The following FIRRM variants were observed in gnomAD, a reference collection of about 807,000 sequenced individuals.
The protein encoded by FIRRM is FIGNL1-interacting regulator of recombination and mitosis.
the FIRRM span, chr1:169,829,153 T>A: frequency 3.1e-6 from 3 of 963,460 alleles, no homozygotes; most frequent in Admixed American, 6.7e-5. Flanking sequence ...TGATTATACC[T>A]CTTGAAACAT....
the FIRRM span, among the ~76,000 whole-genome samples, chr1:169,841,102 T>G: frequency 1.3e-5 from 2 of 152,234 alleles, no homozygotes; most frequent in Non-Finnish European, 2.9e-5. Flanking sequence ...TAGATGGCTC[T>G]TATTATTTCG....
At chr1:169,844,144 A>G in the FIRRM span, among the ~76,000 whole-genome samples, 3 of 152,256 alleles carry the variant, frequency 2.0e-5, no homozygotes, top group Non-Finnish European at 4.4e-5. Flanking sequence ...ACCAGTGTGT[A>G]TTAAAAGATA....
chr1:169,807,735 A>G, the FIRRM span: 7 of 1,468,412 alleles, frequency 4.8e-6, no homozygotes, highest in Admixed American at 5.2e-5. Flanking sequence ...TAGAGGTCCT[A>G]AGTTACTTGA....
the FIRRM span, among the ~76,000 whole-genome samples, chr1:169,846,831 G>C: frequency 6.6e-6 from 1 of 152,178 alleles, no homozygotes; most frequent in East Asian, 1.9e-4. Flanking sequence ...TTTCCTTCAA[G>C]AACTTTTCCT....
the FIRRM span, chr1:169,793,701 T>C: frequency 1.9e-6 from 3 of 1,564,784 alleles, no homozygotes; most frequent in Admixed American, 5.9e-5. Context: ...GTCATCCTCT[T>C]ATTAAATGCA....
chr1:169,853,563 A>T, the FIRRM span: 1 of 762,624 alleles, frequency 1.3e-6, no homozygotes, highest in Non-Finnish European at 2.2e-6. Flanking sequence ...TCAGTCTCCT[A>T]CTTCAGTTGG....
At chr1:169,841,165 G>A in the FIRRM span, among the ~76,000 whole-genome samples, 2 of 152,144 alleles carry the variant, frequency 1.3e-5, no homozygotes, top group African/African-American at 4.8e-5. Flanking sequence ...ATAAAGGGAT[G>A]TTGGATTTTA....
chr1:169,824,494 GCCTTTCTTTA>G, the FIRRM span, among the ~76,000 whole-genome samples: 956 of 152,184 alleles, frequency 6.3e-3, 7 homozygotes, highest in Non-Finnish European at 8.2e-3. Flanking sequence ...TCGTTTCTCT[GCCTTTCTTTA>G]CAGCAAAATT....
the FIRRM span, among the ~76,000 whole-genome samples, chr1:169,819,282 G>A: frequency 4.3e-4 from 65 of 152,332 alleles, no homozygotes; most frequent in African/African-American, 1.5e-3. Flanking sequence ...CTCAATGGGG[G>A]TTGAGGGGAA....
At chr1:169,821,825 A>C in the FIRRM span, 1 of 1,045,954 alleles carries the variant, frequency 9.6e-7, no homozygotes. Flanking sequence ...TATTATCCCT[A>C]TTCCACAGAA....
the FIRRM span, chr1:169,821,635 C>CT: frequency 1.0e-5 from 14 of 1,380,684 alleles, no homozygotes; most frequent in Admixed American, 2.2e-5. Flanking sequence ...ATTTTATATT[C>CT]TTTTCTTATT....
the FIRRM span, among the ~76,000 whole-genome samples, chr1:169,816,668 A>G: frequency 1.3e-5 from 2 of 152,350 alleles, no homozygotes; most frequent in East Asian, 3.9e-4. Flanking sequence ...AGGTCCCAAG[A>G]TAACTTGGGG....
the FIRRM span, chr1:169,832,391 CCTCT>C: frequency 6.6e-7 from 1 of 1,505,912 alleles, no homozygotes; most frequent in South Asian, 1.1e-5. Context: ...GTCAGTCTCT[CCTCT>C]CTCTCTCATG....
chr1:169,852,833 AG>A, the FIRRM span: 2 of 1,614,172 alleles, frequency 1.2e-6, no homozygotes, highest in Non-Finnish European at 8.5e-7. Flanking sequence ...TGGGAAGAAG[AG>A]TACAGGTCAG....
At chr1:169,853,386 C>A in the FIRRM span, 1 of 341,010 alleles carries the variant, frequency 2.9e-6, no homozygotes, top group Non-Finnish European at 5.3e-6. Context: ...GCTTGAATTA[C>A]ATTTTCTTTA....
At chr1:169,810,834 A>ATTTTTTTTTTTTTTTT in the FIRRM span, among the ~76,000 whole-genome samples, 15 of 61,208 alleles carry the variant, frequency 2.5e-4, 2 homozygotes, top group East Asian at 1.1e-3. Context: ...TTAGCCCCCA[A>ATTTTTTTTTTTTTTTT]TTTTTTTTTT....
chr1:169,805,955 C>G, the FIRRM span: 3 of 1,086,570 alleles, frequency 2.8e-6, no homozygotes, highest in Non-Finnish European at 4.2e-6. Context: ...GAGAAACTCA[C>G]CCCCATGACA....
At chr1:169,819,574 A>G in the FIRRM span, among the ~76,000 whole-genome samples, 7 of 152,194 alleles carry the variant, frequency 4.6e-5, no homozygotes. Flanking sequence ...TTTTCACTAA[A>G]AAAGGATCTG....
At chr1:169,794,187 C>T in the FIRRM span, among the ~76,000 whole-genome samples, 11 of 152,318 alleles carry the variant, frequency 7.2e-5, no homozygotes, top group East Asian at 2.1e-3. Flanking sequence ...GATATTCAGA[C>T]AGGACAGCCT....
Sources: allele counts gnomAD v4.1 joint callset (sites outside exome capture counted in the v4.1 genomes callset), GRCh38; gene constraint gnomAD v4.1.1; transcripts MANE v1.5; gene names NCBI Gene and HGNC (gene_info 2026-07-23, HGNC 2026-07-21).